Variants in ENOSF1 observed in about 807,000 individuals in gnomAD.
ENOSF1 encodes enolase superfamily member 1, also known as mitochondrial enolase superfamily member 1.
A neutral mutation model predicts 68.2 loss-of-function variants in ENOSF1; 73 were observed. The observed-to-expected ratio is 1.07, with a 90% confidence interval of 0.89 to 1.30. The LOEUF (loss-of-function observed/expected upper bound fraction) is 1.30. ENOSF1 is among the 50% of genes most tolerant of loss of function. The pLI, the probability that ENOSF1 is intolerant of heterozygous loss-of-function variation, is 0.00. For missense variants in ENOSF1, 589 were observed against 554.5 expected, an observed-to-expected ratio of 1.06 and a Z score of -0.62; for synonymous variants, 223 against 210.4, an observed-to-expected ratio of 1.06 and a Z score of -0.52.
At chr18:674,750 C>G (rs1365853716) in intron 15 of ENOSF1, among the ~76,000 whole-genome samples, 1 of 152,162 alleles carries the variant, frequency 6.6e-6, no homozygotes, top group African/African-American at 2.4e-5. Context: ...AAACACCTGA[C>G]CTCAAATGAT....
intron 3 of ENOSF1, among the ~76,000 whole-genome samples, chr18:694,818 C>CTCTA (rs150137994): frequency 0.098 from 14,920 of 151,684 alleles, 820 homozygotes; most frequent in Middle Eastern, 0.21. Flanking sequence ...TTCTCTCTCT[C>CTCTA]TATATATATG....
downstream of ENOSF1, among the ~76,000 whole-genome samples, chr18:667,137 TGATGGTGATGGTGATGGTGATGGA>T (rs1567990067): frequency 8.2e-5 from 5 of 61,108 alleles, no homozygotes; most frequent in African/African-American, 2.5e-4. Flanking sequence ...ATGGAGATGG[TGATGGTGATGGTGATGGTGATGGA>T]GATGGTGATG....
chr18:705,894 A>G (rs2145439710), intron 2 of ENOSF1, among the ~76,000 whole-genome samples: 1 of 152,078 alleles, frequency 6.6e-6, no homozygotes, highest in African/African-American at 2.4e-5. Context: ...CTGTAATCCT[A>G]GCTTCTCGGG....
At position 672,749 on chromosome 18, in the gene ENOSF1, G is replaced by C; in HGVS notation, c.*1556C>G. ...AAGGTATCGACAGGATCATACTCCTGTAAAATAGAACTTTGTTGATCACAT... is the reference window on the plus strand; with the variant it reads ...AAGGTATCGACAGGATCATACTCCTCTAAAATAGAACTTTGTTGATCACAT... On this transcript the variant is annotated 3_prime_UTR_variant, in exon 16 of 16. Coordinates refer to ENST00000647584, the MANE Select transcript of ENOSF1 (RefSeq NM_017512.7). 7.8e-7 allele frequency: 1 copy of C among 1,284,138 alleles called. No individual in the cohort carries two copies. Among genetic ancestry groups the C allele is most frequent in the Non-Finnish European group, 1.1e-6 (1 of 940,844 alleles). 79.5% of individuals were successfully genotyped at this position (1,284,138 alleles called of 1,614,324 possible). A position where few individuals can be genotyped will look rare whatever the true frequency, so the allele number is the denominator to read the frequency against.
intron 3 of ENOSF1, among the ~76,000 whole-genome samples, chr18:696,111 C>T (rs1568099891): frequency 6.6e-6 from 1 of 151,950 alleles, no homozygotes; most frequent in African/African-American, 2.4e-5. Context: ...AGTTCAAATA[C>T]CAAACACATA....
intron 10 of ENOSF1, among the ~76,000 whole-genome samples, chr18:684,561 T>C (rs1276302690): frequency 6.6e-6 from 1 of 151,962 alleles, no homozygotes; most frequent in Non-Finnish European, 1.5e-5. Context: ...ATGAGGCAGT[T>C]CATATTAACC....
rs2074984626 is a variant in ENOSF1 at position 670,382 on chromosome 18, GCAAA to G, written c.*3919_*3922del. 8 of 253,554 alleles carry G rather than the reference GCAAA, an allele frequency of 3.2e-5. No homozygotes were observed. In the South Asian group the frequency reaches 6.7e-4, roughly 21 times the overall value. 15.7% of individuals were successfully genotyped at this position (253,554 alleles called of 1,614,324 possible). A position where few individuals can be genotyped will look rare whatever the true frequency, so the allele number is the denominator to read the frequency against. On this transcript the variant is annotated 3_prime_UTR_variant, in exon 16 of 16. Coordinates refer to ENST00000647584, the MANE Select transcript of ENOSF1 (RefSeq NM_017512.7). Reference sequence around the variant, plus strand: ...GTACCAGAAGCACCAGTTTCCTGTGGCAAACAGAATTATTCCTGCTGTATTTGTA... The same window carrying G: ...GTACCAGAAGCACCAGTTTCCTGTGGCAGAATTATTCCTGCTGTATTTGTA...
At position 693,905 on chromosome 18, in the gene ENOSF1, C is replaced by T. The variant is rs756503190; in HGVS notation, c.400G>A (p.Val134Ile). Residue 134 changes from valine (V) to isoleucine (I), a missense_variant, in exon 5 of 16, where the codon GTC becomes ATC. Physicochemically the swap from Val to Ile is conservative, Grantham distance 29 (BLOSUM62 3). Transcript: ENST00000647584. Reference protein sequence around the residue: ...DLWAKQEGKPVWKLLVDMDPR... With the variant: ...DLWAKQEGKPIWKLLVDMDPR... ...ACCATGTCCACAAGTAACTTCCAGA[C>T]AGGCTTGAAGTAAAAAAGAAAGGAT... is the stretch of plus-strand genomic sequence containing the variant. The T allele has an allele frequency of 1.9e-6, 3 of 1,614,080 alleles. No homozygotes were observed. Among genetic ancestry groups the T allele is most frequent in the African/African-American group, 1.3e-5 (1 of 75,040 alleles).
intron 2 of ENOSF1, among the ~76,000 whole-genome samples, chr18:700,503 G>T (rs1383412867): frequency 6.6e-6 from 1 of 152,176 alleles, no homozygotes; most frequent in African/African-American, 2.4e-5. Flanking sequence ...GACTCTCAGA[G>T]TGCACAAGCA....
At chr18:698,225 T>C (rs188066483) in intron 2 of ENOSF1, among the ~76,000 whole-genome samples, 184 of 152,338 alleles carry the variant, frequency 1.2e-3, no homozygotes, top group African/African-American at 3.4e-3. Context: ...GAATCATAGA[T>C]TGACAAGTTT....
intron 2 of ENOSF1, among the ~76,000 whole-genome samples, chr18:699,446 C>A (rs1391713063): frequency 6.6e-6 from 1 of 151,308 alleles, no homozygotes; most frequent in East Asian, 2.0e-4. Flanking sequence ...CCACTGCACT[C>A]CAGCCTAGGT....
chr18:702,656 T>C (rs925428321), intron 2 of ENOSF1, among the ~76,000 whole-genome samples: 5 of 152,178 alleles, frequency 3.3e-5, no homozygotes, highest in African/African-American at 1.2e-4. Flanking sequence ...GGGACAATCA[T>C]TTGAGTCTGG....
At chr18:712,405 C>G (rs1289468860) in intron 1 of ENOSF1, 99 bp downstream of exon 1, 1 of 1,242,062 alleles carries the variant, frequency 8.1e-7, no homozygotes, top group African/African-American at 1.6e-5. Context: ...CCATGGCGTC[C>G]GCGCTTACCA....
intron 2 of ENOSF1, among the ~76,000 whole-genome samples, chr18:699,228 G>A (rs939005121): frequency 6.6e-6 from 1 of 152,098 alleles, no homozygotes; most frequent in Non-Finnish European, 1.5e-5. Flanking sequence ...TTGGGAGGCT[G>A]AGGTGGGTGG....
chr18:701,055 T>C (rs184755353), intron 2 of ENOSF1, among the ~76,000 whole-genome samples: 203 of 152,220 alleles, frequency 1.3e-3, no homozygotes, highest in Non-Finnish European at 2.4e-3. Flanking sequence ...CTGGAGCCTC[T>C]AGCACTGGAA....
At chr18:690,514 T>C (rs960002497) in intron 8 of ENOSF1, 35 bp downstream of exon 8, 19 of 1,613,278 alleles carry the variant, frequency 1.2e-5, no homozygotes, top group African/African-American at 1.1e-4. Context: ...TTTCTCCCCA[T>C]TCAGCTGTCT....
chr18:678,661 G>C, intron 12 of ENOSF1, 35 bp downstream of exon 12: 1 of 1,610,838 alleles, frequency 6.2e-7, no homozygotes, highest in Non-Finnish European at 8.5e-7. Flanking sequence ...CTGACCCCAA[G>C]GGGACGTCAT....
intron 7 of ENOSF1, 185 bp downstream of exon 7, chr18:690,883 A>G (rs1160489906): frequency 1.3e-5 from 17 of 1,269,018 alleles, no homozygotes; most frequent in Non-Finnish European, 1.8e-5. Flanking sequence ...GCAGTGGCTG[A>G]AGCAAACTCT....
Position 673,141 on chromosome 18 carries a change from T to C in ENOSF1, c.*1164A>G. 1 of 883,876 alleles carries C rather than the reference T, an allele frequency of 1.1e-6. No homozygotes were observed. Among genetic ancestry groups the C allele is most frequent in the South Asian group, 3.2e-5 (1 of 31,596 alleles). 54.8% of individuals were successfully genotyped at this position (883,876 alleles called of 1,614,324 possible). ...CCTATCAGTTATTAATTTTTAAGGA[T>C]GTTGCCACTGGCAAATGTAACTGTG... On this transcript the variant is annotated 3_prime_UTR_variant, in exon 16 of 16. Coordinates refer to ENST00000647584, the MANE Select transcript of ENOSF1 (RefSeq NM_017512.7).
Sources: allele counts gnomAD v4.1 joint callset (sites outside exome capture counted in the v4.1 genomes callset), GRCh38; gene constraint gnomAD v4.1.1; transcripts MANE v1.5; gene names NCBI Gene and HGNC (gene_info 2026-07-23, HGNC 2026-07-21).